PHF2: variants seen among roughly 807,000 people sequenced by gnomAD.
PHF2 encodes PHD finger protein 2, also known as lysine-specific demethylase PHF2.
A neutral mutation model predicts 120.5 loss-of-function variants in PHF2; 27 were observed. That is an observed-to-expected ratio of 0.22 (90% confidence interval 0.17 to 0.31). PHF2 has a LOEUF of 0.31. PHF2 is among the 10% of genes least tolerant of loss of function. The pLI is 1.00. For synonymous variants in PHF2, 568 were observed against 592.5 expected (o/e 0.96, Z 0.60); for missense variants, 1,024 against 1,434.8 (o/e 0.71, Z 4.63).
chr9:93,663,618 C>A lies in PHF2; in HGVS notation c.1920C>A (p.Ser640=). ...ACAATAAGTTCTCTTTTTCTTTCTC[C>A]AACAAGAAACTCCTCGGGTATGTGA... is the stretch of plus-strand genomic sequence containing the variant. ...NKDNKFSFSF[S]NKKLLGSKAL... is the part of the protein sequence containing the mutation. The change falls in exon 14 of 22, where the codon TCC becomes TCA. Residue 640 remains serine, a synonymous_variant. Transcript: ENST00000359246. The A allele has an allele frequency of 6.2e-7, 1 of 1,609,524 alleles. No homozygotes were observed. The highest frequency in any genetic ancestry group is 8.5e-7 in the Non-Finnish European group (1 of 1,176,792).
chr9:93,664,041 A>T (rs1826630219), intron 14 of PHF2, among the ~76,000 whole-genome samples: 1 of 152,212 alleles, frequency 6.6e-6, no homozygotes, highest in Non-Finnish European at 1.5e-5. Context: ...GCCAGCCTGC[A>T]ATGAGGGATG....
At chr9:93,589,393 G>A (rs188035738) in intron 1 of PHF2, among the ~76,000 whole-genome samples, 10 of 152,294 alleles carry the variant, frequency 6.6e-5, no homozygotes, top group Admixed American at 2.6e-4. Flanking sequence ...CTTTCTGTGC[G>A]CTGTAGATGT....
chr9:93,610,212 TCTC>T (rs1339155771), intron 1 of PHF2, among the ~76,000 whole-genome samples: 1 of 152,204 alleles, frequency 6.6e-6, no homozygotes, highest in East Asian at 1.9e-4. Flanking sequence ...CTCTTTTTCT[TCTC>T]CTTCTGGTAT....
At chr9:93,651,264 C>T (rs1169616627) in intron 5 of PHF2, among the ~76,000 whole-genome samples, 6 of 152,052 alleles carry the variant, frequency 3.9e-5, no homozygotes, top group African/African-American at 1.2e-4. Flanking sequence ...AATTTACTGC[C>T]CTGCCTGGGT....
At chr9:93,610,216 C>A (rs1348218953) in intron 1 of PHF2, among the ~76,000 whole-genome samples, 1 of 151,948 alleles carries the variant, frequency 6.6e-6, no homozygotes, top group Non-Finnish European at 1.5e-5. Context: ...TTTTCTTCTC[C>A]TTCTGGTATT....
At chr9:93,593,267 C>G (rs191194779) in intron 1 of PHF2, among the ~76,000 whole-genome samples, 387 of 152,190 alleles carry the variant, frequency 2.5e-3, no homozygotes, top group African/African-American at 9.1e-3. Flanking sequence ...CCCAAGGCAC[C>G]TGCCAGGTCA....
intron 1 of PHF2, among the ~76,000 whole-genome samples, chr9:93,625,468 C>CTTTTTT (rs905164226): frequency 1.1e-5 from 1 of 94,714 alleles, no homozygotes; most frequent in Non-Finnish European, 2.0e-5. Context: ...GTTTGAGTAC[C>CTTTTTT]TTTTTTTTTT....
chr9:93,658,939 G>A (rs10821193), intron 10 of PHF2, among the ~76,000 whole-genome samples: 50,212 of 152,142 alleles, frequency 0.33, 8,813 homozygotes, highest in Non-Finnish European at 0.39. Flanking sequence ...GCACCCTCTG[G>A]GACAGTGTTT....
chr9:93,615,574 C>T (rs773266948), intron 1 of PHF2, among the ~76,000 whole-genome samples: 4 of 152,166 alleles, frequency 2.6e-5, no homozygotes, highest in Admixed American at 6.5e-5. Context: ...GACTCACTGA[C>T]GTTGAGTACC....
chr9:93,583,890 G>A (rs993737245), intron 1 of PHF2, among the ~76,000 whole-genome samples: 6 of 146,240 alleles, frequency 4.1e-5, no homozygotes, highest in African/African-American at 7.6e-5. Flanking sequence ...GTACAATGGC[G>A]TGATCTCAGC....
At chr9:93,645,846 C>A (rs1826249125) in intron 4 of PHF2, 57 bp downstream of exon 4, 1 of 1,510,376 alleles carries the variant, frequency 6.6e-7, no homozygotes, top group Non-Finnish European at 8.9e-7. Context: ...GCTGGGACAC[C>A]CACCACTGTG....
intron 17 of PHF2, chr9:93,672,841 T>G (rs1414825965): frequency 6.1e-6 from 6 of 980,170 alleles, no homozygotes; most frequent in Non-Finnish European, 2.4e-6. Flanking sequence ...CAGGTGTAGA[T>G]GCAGGTGCAG....
chr9:93,586,977 T>C (rs1331625765), intron 1 of PHF2, among the ~76,000 whole-genome samples: 1 of 151,928 alleles, frequency 6.6e-6, no homozygotes, highest in Non-Finnish European at 1.5e-5. Context: ...AGGGGAGATA[T>C]GGTTAGGGAG....
rs764437879 is a variant in PHF2, at chr9:93,665,743, C to T, written c.1995C>T (p.Phe665=). ...GTGTGTTCGGGGCCTTGCAGAACTT[C>T]AAGGAGGACAAGCCCAAGCCCGTGC... The part of the protein sequence containing the change: ...SPGVFGALQN[F]KEDKPKPVRD... Residue 665 remains phenylalanine (F), a synonymous_variant, in exon 15 of 22, where the codon TTC becomes TTT. Transcript: ENST00000359246. 5.4e-5 allele frequency: 87 copies of T among 1,613,992 alleles called. No individual in the cohort carries two copies. Among genetic ancestry groups the T allele is most frequent in the Non-Finnish European group, 7.0e-5 (83 of 1,180,054 alleles).
intron 1 of PHF2, among the ~76,000 whole-genome samples, chr9:93,626,630 G>A (rs964218933): frequency 2.0e-5 from 3 of 152,134 alleles, no homozygotes; most frequent in African/African-American, 7.2e-5. Flanking sequence ...CATGCTTTTG[G>A]TGTCATATCT....
At chr9:93,653,885 C>G (rs1370227981) in intron 6 of PHF2, among the ~76,000 whole-genome samples, 1 of 152,128 alleles carries the variant, frequency 6.6e-6, no homozygotes, top group African/African-American at 2.4e-5. Flanking sequence ...CCAGCTGGAC[C>G]TGGATCTGGG....
At chr9:93,579,862 A>G (rs1262091007) in intron 1 of PHF2, among the ~76,000 whole-genome samples, 1 of 152,242 alleles carries the variant, frequency 6.6e-6, no homozygotes, top group East Asian at 1.9e-4. Flanking sequence ...AGCTTTGGCC[A>G]TTTGGGGCCA....
At chr9:93,600,866 T>C (rs1825427213) in intron 1 of PHF2, among the ~76,000 whole-genome samples, 1 of 152,194 alleles carries the variant, frequency 6.6e-6, no homozygotes, top group African/African-American at 2.4e-5. Context: ...CCAGATCTGG[T>C]GTGTTCAGTG....
At chr9:93,618,391 G>A (rs1163812779) in intron 1 of PHF2, among the ~76,000 whole-genome samples, 1 of 152,208 alleles carries the variant, frequency 6.6e-6, no homozygotes, top group Non-Finnish European at 1.5e-5. Flanking sequence ...ACACGCATAC[G>A]CATGCATACA....
Sources: gnomAD v4.1 joint callset for allele counts (sites outside exome capture counted in the v4.1 genomes callset) on GRCh38, gnomAD v4.1.1 for gene constraint, MANE v1.5 for transcripts, NCBI Gene and HGNC (gene_info 2026-07-23, HGNC 2026-07-21) for gene names.